Variants in GALNT7 observed in about 807,000 individuals in gnomAD.
GALNT7 encodes polypeptide N-acetylgalactosaminyltransferase 7.
In GALNT7, 60 loss-of-function variants were observed where a neutral mutation model predicts 82.1. The observed-to-expected ratio is 0.73, with a 90% CI of 0.59 to 0.91. The LOEUF is 0.91. Among genes scored for constraint, GALNT7 ranks in the 40% least tolerant of loss-of-function variants. GALNT7 has a pLI of 0.00. For synonymous variants in GALNT7, 243 were observed against 275.1 expected (o/e 0.88, Z 1.15); for missense variants, 660 against 804.2 (o/e 0.82, Z 2.17).
rs749123972 is a variant in GALNT7 at position 173,295,533 on chromosome 4, A to C, written c.885+7A>C. The C allele has an allele frequency of 5.6e-6, 9 of 1,612,090 alleles. No homozygotes were observed. The highest frequency in any genetic ancestry group is 7.6e-6 in the Non-Finnish European group (9 of 1,178,706). On this transcript the variant is annotated splice_region_variant and intron_variant, in intron 4 of 11. Coordinates refer to ENST00000265000, the MANE Select transcript of GALNT7 (RefSeq NM_017423.3). ...GAAGGCTAAACTTGGACAGGTAGGA[A>C]GCATTTGATATCTACAATGTCAACA... is the stretch of plus-strand genomic sequence containing the variant.
At chr4:173,180,553 T>G (rs965267523) in intron 1 of GALNT7, among the ~76,000 whole-genome samples, 1 of 152,068 alleles carries the variant, frequency 6.6e-6, no homozygotes, top group African/African-American at 2.4e-5. Context: ...GTCTCGAACT[T>G]CTGACCTCAG....
chr4:173,204,824 A>G (rs1329323772), intron 1 of GALNT7, among the ~76,000 whole-genome samples: 1 of 152,158 alleles, frequency 6.6e-6, no homozygotes, highest in Non-Finnish European at 1.5e-5. Flanking sequence ...GGCAGCTCCT[A>G]GGAGATCTTT....
At position 173,274,090 on chromosome 4, in the gene GALNT7, T is replaced by G. The variant is rs567043457; in HGVS notation, c.588-18018T>G. 2.0e-5 allele frequency among the ~76,000 whole-genome samples: 3 copies of G among 152,184 alleles called. No individual in the cohort carries two copies. In the East Asian group the frequency reaches 5.8e-4, roughly 29 times the overall value. On this transcript the variant is annotated intron_variant, in intron 2 of 11. Coordinates refer to ENST00000265000, the MANE Select transcript of GALNT7 (RefSeq NM_017423.3). Reference sequence around the variant, plus strand: ...ATATGGCTTACACTGTGAAATGTTCTTTTTTTCCTTTCCCAGGGAGTTTTG... The same window carrying G: ...ATATGGCTTACACTGTGAAATGTTCGTTTTTTCCTTTCCCAGGGAGTTTTG...
rs1737863683 is a variant in GALNT7, at chr4:173,322,596, A to C, written c.*879A>C. On this transcript the variant is annotated 3_prime_UTR_variant, in exon 12 of 12. Transcript: ENST00000265000. ...GACATTTGGGATTTACTTTTCTCCA[A>C]TACCTGCCAATACAGAAAACTATTA... 6.6e-6 allele frequency: 1 copy of C among 152,192 alleles called. No individual in the cohort carries two copies. Among genetic ancestry groups the C allele is most frequent in the African/African-American group, 2.4e-5 (1 of 41,436 alleles). The allele number at this position is 152,192 out of a possible 1,614,324, so 9.4% of individuals were successfully genotyped here.
chr4:173,318,354 T>G (rs975241335), intron 10 of GALNT7, 77 bp from the exon 11 acceptor site: 1 of 1,109,242 alleles, frequency 9.0e-7, no homozygotes, highest in Non-Finnish European at 1.3e-6. Flanking sequence ...ATTATAGGAG[T>G]TAAGTTTCTT....
intron 1 of GALNT7, among the ~76,000 whole-genome samples, chr4:173,214,398 C>T (rs907999727): frequency 3.3e-5 from 5 of 151,986 alleles, no homozygotes; most frequent in Admixed American, 6.6e-5. Flanking sequence ...GCAATTTGGC[C>T]CAGATCACTC....
chr4:173,192,538 A>G (rs1042044749), intron 1 of GALNT7, among the ~76,000 whole-genome samples: 2 of 152,212 alleles, frequency 1.3e-5, no homozygotes, highest in Non-Finnish European at 2.9e-5. Flanking sequence ...AAACAATGAA[A>G]GATGCCCAAG....
At chr4:173,221,315 A>C (rs1284077623) in intron 1 of GALNT7, among the ~76,000 whole-genome samples, 2 of 152,118 alleles carry the variant, frequency 1.3e-5, no homozygotes, top group African/African-American at 4.8e-5. Flanking sequence ...ATTTCAGGAG[A>C]TCTACTAGAT....
At chr4:173,309,327 G>A (rs923419742) in intron 8 of GALNT7, among the ~76,000 whole-genome samples, 6 of 152,162 alleles carry the variant, frequency 3.9e-5, no homozygotes, top group Admixed American at 1.3e-4. Context: ...CATAGTCGCC[G>A]TCTTCCAAGA....
intron 1 of GALNT7, among the ~76,000 whole-genome samples, chr4:173,191,779 C>G (rs912455135): frequency 1.3e-5 from 2 of 152,118 alleles, no homozygotes; most frequent in Non-Finnish European, 2.9e-5. Flanking sequence ...CGTTGTGAAT[C>G]TATTATTCAT....
chr4:173,268,697 A>G (rs1173028821), intron 2 of GALNT7, among the ~76,000 whole-genome samples: 1 of 140,668 alleles, frequency 7.1e-6, no homozygotes, highest in Non-Finnish European at 1.6e-5. Context: ...CGCCCAGCTA[A>G]TTTTTTTTTT....
intron 1 of GALNT7, among the ~76,000 whole-genome samples, chr4:173,183,463 G>C (rs1301051559): frequency 7.3e-5 from 11 of 151,422 alleles, no homozygotes; most frequent in African/African-American, 2.7e-4. Flanking sequence ...ATTTTCCTGG[G>C]TTGACGTGGG....
At chr4:173,244,956 G>C (rs978721386) in intron 1 of GALNT7, among the ~76,000 whole-genome samples, 1 of 152,152 alleles carries the variant, frequency 6.6e-6, no homozygotes, top group African/African-American at 2.4e-5. Flanking sequence ...GTGAATGATA[G>C]GTTCAGTTTT....
chr4:173,292,390 C>A lies in GALNT7; in HGVS notation c.754+116C>A. The A allele has an allele frequency of 1.6e-6, 1 of 624,576 alleles. No homozygotes were observed. The highest frequency in any genetic ancestry group is 2.8e-6 in the Non-Finnish European group (1 of 361,712). The allele number at this position is 624,576 out of a possible 1,614,324, so 38.7% of individuals were successfully genotyped here. On this transcript the variant is annotated intron_variant, in intron 3 of 11. Coordinates refer to ENST00000265000, the MANE Select transcript of GALNT7 (RefSeq NM_017423.3). This position sits in a 1 kb window ranked among gnomAD's most constrained non-coding sequence, Gnocchi z 4.8. ...AATTAATAGCATCTATTGATAGCATCTGTTATCAACAAGTTGACACTGTGC... is the reference window on the plus strand; with the variant it reads ...AATTAATAGCATCTATTGATAGCATATGTTATCAACAAGTTGACACTGTGC...
chr4:173,179,016 C>G (rs1732165202), intron 1 of GALNT7, among the ~76,000 whole-genome samples: 1 of 152,204 alleles, frequency 6.6e-6, no homozygotes, highest in Non-Finnish European at 1.5e-5. Context: ...CAGTAGTAAA[C>G]TTAACATGCT....
At chr4:173,229,423 T>A (rs1733949713) in intron 1 of GALNT7, among the ~76,000 whole-genome samples, 1 of 152,174 alleles carries the variant, frequency 6.6e-6, no homozygotes, top group Non-Finnish European at 1.5e-5. Context: ...ATTTAAATAG[T>A]CTACAAAGAT....
chr4:173,180,842 T>G (rs1466205731), intron 1 of GALNT7, among the ~76,000 whole-genome samples: 1 of 152,228 alleles, frequency 6.6e-6, no homozygotes, highest in Non-Finnish European at 1.5e-5. Context: ...TTAGACAATT[T>G]GATCATTGTG....
At chr4:173,313,907 T>C (rs1163516578) in intron 8 of GALNT7, 51 bp from the exon 9 acceptor site, 4 of 856,488 alleles carry the variant, frequency 4.7e-6, no homozygotes, top group East Asian at 5.6e-5. Context: ...GTTTATGATA[T>C]GACATTTGTA....
intron 1 of GALNT7, among the ~76,000 whole-genome samples, chr4:173,214,589 C>A (rs562217057): frequency 1.5e-4 from 23 of 152,250 alleles, no homozygotes; most frequent in African/African-American, 5.3e-4. Flanking sequence ...CTTAACAGAT[C>A]CAGATGAGCC....
Sources: allele counts gnomAD v4.1 joint callset (sites outside exome capture counted in the v4.1 genomes callset), GRCh38; gene constraint gnomAD v4.1.1; non-coding constraint Gnocchi (gnomAD v3.1); transcripts MANE v1.5; gene names NCBI Gene and HGNC (gene_info 2026-07-23, HGNC 2026-07-21).